The following MYO5B variants were observed in gnomAD, a reference collection of about 807,000 sequenced individuals.
The protein encoded by MYO5B is unconventional myosin-Vb.
In MYO5B, 143 loss-of-function variants were observed where a neutral mutation model predicts 229.3. The ratio of observed to expected loss-of-function variants is 0.62; its 90% CI spans 0.54 to 0.72. The LOEUF (loss-of-function observed/expected upper bound fraction) is 0.72, where lower values mean the gene tolerates loss of function less well. MYO5B is among the 30% of genes least tolerant of loss of function. The pLI, the probability that MYO5B is intolerant of heterozygous loss-of-function variation, is 0.00. For missense variants in MYO5B, 2,321 were observed against 2,331.0 expected, an observed-to-expected ratio of 1.00 and a Z score of 0.09; for synonymous variants, 918 against 885.2, an observed-to-expected ratio of 1.04 and a Z score of -0.66.
chr18:49,863,411 C>T, intron 28 of MYO5B, 84 bp from the exon 29 acceptor site: 1 of 1,194,106 alleles, frequency 8.4e-7, no homozygotes, highest in Admixed American at 1.8e-5. Flanking sequence ...TAAAAACATG[C>T]CTTTGGGAAA....
At chr18:50,057,243 C>T (rs2030572388) in intron 1 of MYO5B, among the ~76,000 whole-genome samples, 1 of 152,208 alleles carries the variant, frequency 6.6e-6, no homozygotes, top group Admixed American at 6.5e-5. Context: ...GCTGCTGTCC[C>T]TAAGCTTCAG....
At chr18:49,828,545 A>T (rs1568599490) in intron 39 of MYO5B, among the ~76,000 whole-genome samples, 1 of 152,220 alleles carries the variant, frequency 6.6e-6, no homozygotes, top group Non-Finnish European at 1.5e-5. Context: ...TCAATAAGAA[A>T]ATAGAGGCCA....
Position 49,879,236 on chromosome 18 carries a change from T to C in MYO5B, c.3131-146A>G, listed in dbSNP as rs1598852371. On this transcript the variant is annotated intron_variant, in intron 23 of 39. Coordinates refer to ENST00000285039, the MANE Select transcript of MYO5B (RefSeq NM_001080467.3). ...TGATGAATCTATTACGCTCCTCACCTACTGCAGAGCAAAGGTGAGTCTCAT... is the reference window on the plus strand; with the variant it reads ...TGATGAATCTATTACGCTCCTCACCCACTGCAGAGCAAAGGTGAGTCTCAT... 9.9e-6 allele frequency: 9 copies of C among 909,662 alleles called. No individual in the cohort carries two copies. In the East Asian group the frequency reaches 2.3e-4, roughly 23 times the overall value. The allele number at this position is 909,662 out of a possible 1,614,324, so 56.3% of individuals were successfully genotyped here.
chr18:49,954,038 G>A (rs1000458568), intron 13 of MYO5B, among the ~76,000 whole-genome samples: 1 of 145,490 alleles, frequency 6.9e-6, no homozygotes, highest in Non-Finnish European at 1.5e-5. Flanking sequence ...GTGTGTGTGT[G>A]TGTGTGTGTG....
chr18:50,155,775 T>C (rs2032668991), intron 1 of MYO5B, among the ~76,000 whole-genome samples: 1 of 152,238 alleles, frequency 6.6e-6, no homozygotes. Flanking sequence ...GAACTAGGAA[T>C]TTCTGAGCAC....
intron 6 of MYO5B, among the ~76,000 whole-genome samples, chr18:49,991,880 A>C (rs1000687187): frequency 3.3e-5 from 5 of 152,198 alleles, no homozygotes; most frequent in African/African-American, 1.2e-4. Context: ...TAGGTAGCCA[A>C]GTATAATCTA....
intron 4 of MYO5B, among the ~76,000 whole-genome samples, chr18:50,001,877 T>C (rs975878797): frequency 4.6e-5 from 7 of 151,582 alleles, no homozygotes; most frequent in African/African-American, 1.7e-4. Context: ...TAAAAAACAA[T>C]ACAAAAAAAT....
intron 2 of MYO5B, among the ~76,000 whole-genome samples, chr18:50,046,472 A>G (rs1023862135): frequency 3.3e-5 from 5 of 152,212 alleles, no homozygotes; most frequent in Non-Finnish European, 2.9e-5. Flanking sequence ...AGTTTCAGCA[A>G]TCTTCAAGGG....
At chr18:50,061,622 T>C (rs1435082433) in intron 1 of MYO5B, among the ~76,000 whole-genome samples, 1 of 152,188 alleles carries the variant, frequency 6.6e-6, no homozygotes, top group Non-Finnish European at 1.5e-5. Context: ...TCTGCAGATC[T>C]TCAGATCTTT....
Position 49,937,237 on chromosome 18 carries a change from G to T in MYO5B, c.1905+8C>A. On this transcript the variant is annotated splice_region_variant and intron_variant, in intron 15 of 39. Coordinates refer to ENST00000285039, the MANE Select transcript of MYO5B (RefSeq NM_001080467.3). ...ACCTCAGCCCATAGCTTTTGGTCCG[G>T]GGCTGACCTGGTGGCCAACGGTTTT... is the stretch of plus-strand genomic sequence containing the variant. 6.2e-7 allele frequency: 1 copy of T among 1,613,998 alleles called. No individual in the cohort carries two copies. Among genetic ancestry groups the T allele is most frequent in the Non-Finnish European group, 8.5e-7 (1 of 1,179,914 alleles).
intron 16 of MYO5B, among the ~76,000 whole-genome samples, chr18:49,933,570 A>G (rs1360785129): frequency 6.6e-6 from 1 of 152,270 alleles, no homozygotes; most frequent in Non-Finnish European, 1.5e-5. Context: ...TTTGTCCCCA[A>G]GAGAACATTT....
chr18:49,968,968 C>A (rs1055593521), intron 10 of MYO5B, among the ~76,000 whole-genome samples: 1 of 152,194 alleles, frequency 6.6e-6, no homozygotes, highest in Non-Finnish European at 1.5e-5. Context: ...CAAAGGGCCA[C>A]CTCAGAACAA....
At chr18:49,974,669 CCCA>C in intron 9 of MYO5B, 54 bp from the exon 10 acceptor site, 1 of 1,582,110 alleles carries the variant, frequency 6.3e-7, no homozygotes, top group Non-Finnish European at 8.6e-7. Context: ...CAAGCCGCCC[CCCA>C]CCAATGTCTT....
At chr18:50,036,761 C>T (rs1334455950) in intron 4 of MYO5B, 89 bp downstream of exon 4, 4 of 1,486,278 alleles carry the variant, frequency 2.7e-6, no homozygotes, top group South Asian at 1.1e-5. Flanking sequence ...CACCACCTCA[C>T]TGTGAGCATC....
intron 12 of MYO5B, among the ~76,000 whole-genome samples, chr18:49,957,031 C>G (rs939925746): frequency 2.0e-5 from 3 of 146,818 alleles, no homozygotes; most frequent in Non-Finnish European, 4.5e-5. Flanking sequence ...TAAAAACCAC[C>G]AAATTGTATA....
chr18:49,914,931 C>T (rs80311313), intron 17 of MYO5B, among the ~76,000 whole-genome samples: 260 of 152,218 alleles, frequency 1.7e-3, no homozygotes, highest in African/African-American at 5.1e-3. Context: ...TCCAGCATTG[C>T]GGCCCTTGGG....
intron 1 of MYO5B, among the ~76,000 whole-genome samples, chr18:50,128,928 C>T (rs899385231): frequency 6.6e-6 from 1 of 152,254 alleles, no homozygotes; most frequent in Non-Finnish European, 1.5e-5. Context: ...GCTGGAAAAG[C>T]AGGCTTTTTA....
intron 4 of MYO5B, among the ~76,000 whole-genome samples, chr18:50,028,014 G>A (rs555836455): frequency 6.6e-6 from 1 of 152,172 alleles, no homozygotes; most frequent in Non-Finnish European, 1.5e-5. Context: ...GTTACCTGGG[G>A]ATGGAGGGAG....
intron 12 of MYO5B, among the ~76,000 whole-genome samples, chr18:49,955,690 T>C (rs1198873259): frequency 3.3e-5 from 5 of 152,204 alleles, no homozygotes; most frequent in Admixed American, 3.3e-4. Flanking sequence ...CCATAGGAAA[T>C]TCAAGAAAAG....
Sources: gnomAD v4.1 joint callset for allele counts (sites outside exome capture counted in the v4.1 genomes callset) on GRCh38, gnomAD v4.1.1 for gene constraint, MANE v1.5 for transcripts, NCBI Gene and HGNC (gene_info 2026-07-23, HGNC 2026-07-21) for gene names.